Variants in TRAK1 observed in about 807,000 individuals in gnomAD.
TRAK1 encodes trafficking kinesin-binding protein 1.
In TRAK1, 33 loss-of-function variants were observed where a neutral mutation model predicts 92.1. The ratio of observed to expected loss-of-function variants is 0.36; its 90% CI spans 0.27 to 0.48. TRAK1 has a LOEUF of 0.48. Ranked by LOEUF, TRAK1 falls within the 20% of genes least tolerant of loss-of-function variation. The pLI is 0.99. For missense variants in TRAK1, 1,123 were observed against 1,257.9 expected (o/e 0.89, Z 1.62); for synonymous variants, 521 against 517.3 (o/e 1.01, Z -0.10).
intron 1 of TRAK1, among the ~76,000 whole-genome samples, chr3:42,030,579 A>G (rs1325397121): frequency 2.7e-5 from 4 of 148,228 alleles, no homozygotes; most frequent in Non-Finnish European, 3.0e-5. Context: ...AGACTGAGGC[A>G]GGAATATTGC....
intron 1 of TRAK1, among the ~76,000 whole-genome samples, chr3:42,099,427 A>C (rs1706416901): frequency 6.6e-6 from 1 of 152,326 alleles, no homozygotes; most frequent in Non-Finnish European, 1.5e-5. Flanking sequence ...GCTCAGAGCA[A>C]GACCCTAATC....
At chr3:42,185,973 C>CTTTTTTTTTTTTTT (rs1054954407) in intron 4 of TRAK1, among the ~76,000 whole-genome samples, 4 of 83,962 alleles carry the variant, frequency 4.8e-5, no homozygotes, top group African/African-American at 2.2e-4. Context: ...TGTGCCCAGC[C>CTTTTTTTTTTTTTT]TTTTTTTTTT....
intron 1 of TRAK1, among the ~76,000 whole-genome samples, chr3:42,043,372 C>T (rs1702625489): frequency 1.3e-5 from 2 of 151,858 alleles, no homozygotes; most frequent in African/African-American, 4.8e-5. Flanking sequence ...CTTCCCTCAC[C>T]CTCTTCTTTC....
intron 2 of TRAK1, among the ~76,000 whole-genome samples, chr3:42,175,280 C>T (rs903058790): frequency 3.9e-5 from 6 of 152,144 alleles, no homozygotes. Context: ...TGCAGACCAT[C>T]ACAGCTGTGC....
At chr3:42,141,515 C>T (rs1016274898) in intron 2 of TRAK1, among the ~76,000 whole-genome samples, 28 of 152,272 alleles carry the variant, frequency 1.8e-4, no homozygotes, top group Non-Finnish European at 4.1e-4. Context: ...TAACAAATTA[C>T]CACAAACTTG....
At chr3:42,104,994 C>G (rs911443241) in intron 1 of TRAK1, among the ~76,000 whole-genome samples, 1 of 150,304 alleles carries the variant, frequency 6.7e-6, no homozygotes, top group East Asian at 1.9e-4. Context: ...TTTTGTTGCC[C>G]AGGCTGGAGT....
intron 7 of TRAK1, among the ~76,000 whole-genome samples, chr3:42,192,069 T>A (rs542729598): frequency 0.055 from 8,389 of 151,922 alleles, 229 homozygotes; most frequent in Middle Eastern, 0.075. Context: ...GCCTGGCTAT[T>A]TTTTTGTATT....
At chr3:42,129,112 G>T (rs987241464) in intron 2 of TRAK1, among the ~76,000 whole-genome samples, 6 of 152,212 alleles carry the variant, frequency 3.9e-5, no homozygotes, top group Admixed American at 3.9e-4. Context: ...TGCCAAACTG[G>T]CAGAGCGTCA....
intron 1 of TRAK1, among the ~76,000 whole-genome samples, chr3:42,103,939 T>C (rs111331661): frequency 0.035 from 5,321 of 152,168 alleles, 124 homozygotes; most frequent in Non-Finnish European, 0.053. Context: ...CCATGACAGA[T>C]GGTACCTGGA....
chr3:42,041,346 A>G, intron 1 of TRAK1, among the ~76,000 whole-genome samples: 1 of 152,036 alleles, frequency 6.6e-6, no homozygotes, highest in Non-Finnish European at 1.5e-5. Flanking sequence ...TTGAATTTAT[A>G]CCTAAGTATT....
At chr3:42,100,857 C>T (rs1369999222) in intron 1 of TRAK1, among the ~76,000 whole-genome samples, 1 of 152,072 alleles carries the variant, frequency 6.6e-6, no homozygotes, top group Non-Finnish European at 1.5e-5. Flanking sequence ...TTAGTAGAGA[C>T]AGGGTTTCAC....
At chr3:42,185,515 A>G (rs1704673756) in intron 4 of TRAK1, among the ~76,000 whole-genome samples, 1 of 152,072 alleles carries the variant, frequency 6.6e-6, no homozygotes, top group Non-Finnish European at 1.5e-5. Context: ...GACAGAGGAG[A>G]GCGGCTGTGG....
chr3:42,216,483 G>A (rs1709701780), intron 14 of TRAK1, among the ~76,000 whole-genome samples: 1 of 152,204 alleles, frequency 6.6e-6, no homozygotes, highest in South Asian at 2.1e-4. Flanking sequence ...CACTCTGTAA[G>A]AGTGAAAGTA....
intron 2 of TRAK1, among the ~76,000 whole-genome samples, chr3:42,126,322 G>C (rs1455509804): frequency 6.6e-6 from 1 of 152,042 alleles, no homozygotes. Context: ...GTGTACCAAG[G>C]CTGATAACTG....
At position 42,201,883 on chromosome 3, in the gene TRAK1, GACACACACACAC is replaced by G. The variant is rs56336064; in HGVS notation, c.1428-516_1428-505del. On this transcript the variant is annotated intron_variant, in intron 12 of 15. Transcript: ENST00000327628. ...GGACGGACGGACGGACGGACAGACG[GACACACACACAC>G]ACACACACACACACACACACACACA... is the stretch of plus-strand genomic sequence containing the variant. Among the ~76,000 whole-genome samples the G allele has an allele frequency of 2.7e-3, 332 of 125,176 alleles. 2 individuals carry two copies. The highest frequency in any genetic ancestry group is 5.3e-3 in the African/African-American group (173 of 32,394). 82.1% of individuals were successfully genotyped at this position (125,176 alleles called of 152,430 possible). A position where few individuals can be genotyped will look rare whatever the true frequency, so the allele number is the denominator to read the frequency against.
intron 7 of TRAK1, among the ~76,000 whole-genome samples, chr3:42,192,119 C>G (rs1406988640): frequency 6.6e-6 from 1 of 151,994 alleles, no homozygotes; most frequent in African/African-American, 2.4e-5. Context: ...CCAGGCTGGT[C>G]TTGAACTCCT....
intron 1 of TRAK1, among the ~76,000 whole-genome samples, chr3:42,073,150 T>C (rs755313522): frequency 3.2e-4 from 49 of 152,096 alleles, no homozygotes; most frequent in Non-Finnish European, 4.4e-5. Context: ...CTGGGGCCCC[T>C]AGCTGTTCTG....
At chr3:42,044,731 T>C (rs1702688339) in intron 1 of TRAK1, among the ~76,000 whole-genome samples, 3 of 152,204 alleles carry the variant, frequency 2.0e-5, no homozygotes, top group African/African-American at 7.2e-5. Flanking sequence ...AAATGCTTAT[T>C]AATAAATGCT....
chr3:42,200,108 T>G (rs574881301), intron 11 of TRAK1, among the ~76,000 whole-genome samples: 1 of 152,194 alleles, frequency 6.6e-6, no homozygotes, highest in Non-Finnish European at 1.5e-5. Flanking sequence ...GTGTTTTCTG[T>G]GTACTCAGAC....
Sources: allele counts gnomAD v4.1 joint callset (sites outside exome capture counted in the v4.1 genomes callset), GRCh38; gene constraint gnomAD v4.1.1; transcripts MANE v1.5; gene names NCBI Gene and HGNC (gene_info 2026-07-23, HGNC 2026-07-21).